Variants in IL23R observed in about 807,000 individuals in gnomAD.
The protein encoded by IL23R is interleukin-23 receptor.
A neutral mutation model predicts 56.9 loss-of-function variants in IL23R; 34 were observed. The observed-to-expected ratio is 0.60, with a 90% CI of 0.45 to 0.80. IL23R has a LOEUF of 0.80. IL23R is among the 30% of genes least tolerant of loss of function. The pLI is 0.00. For synonymous variants in IL23R, 230 were observed against 249.2 expected, an observed-to-expected ratio of 0.92 and a Z score of 0.73; for missense variants, 635 against 730.0, an observed-to-expected ratio of 0.87 and a Z score of 1.50.
intron 3 of IL23R, among the ~76,000 whole-genome samples, chr1:67,172,055 G>A (rs1044520953): frequency 6.6e-6 from 1 of 152,118 alleles, no homozygotes; most frequent in African/African-American, 2.4e-5. Flanking sequence ...CCTTACATAG[G>A]CCTCTGGTTA....
chr1:67,230,266 A>T (rs1447474451), intron 7 of IL23R, among the ~76,000 whole-genome samples: 1 of 152,164 alleles, frequency 6.6e-6, no homozygotes, highest in African/African-American at 2.4e-5. Flanking sequence ...TTGTAGCCCT[A>T]CTGCCTCTCA....
intron 1 of IL23R, among the ~76,000 whole-genome samples, chr1:67,161,075 A>C (rs1646814136): frequency 6.6e-6 from 1 of 152,196 alleles, no homozygotes; most frequent in Non-Finnish European, 1.5e-5. Context: ...TTATCATTGC[A>C]TTTCTGAAAT....
At chr1:67,170,792 T>A (rs2102558248) in intron 3 of IL23R, among the ~76,000 whole-genome samples, 1 of 152,238 alleles carries the variant, frequency 6.6e-6, no homozygotes, top group South Asian at 2.1e-4. Flanking sequence ...GGCAGACCCA[T>A]ATCACCACTA....
At chr1:67,158,901 A>G (rs1463500186) in intron 1 of IL23R, among the ~76,000 whole-genome samples, 1 of 136,502 alleles carries the variant, frequency 7.3e-6, no homozygotes, top group East Asian at 2.3e-4. Context: ...TATCACTATC[A>G]GTGATTGATA....
At chr1:67,232,952 A>G (rs762523011) in intron 7 of IL23R, among the ~76,000 whole-genome samples, 2 of 151,974 alleles carry the variant, frequency 1.3e-5, no homozygotes, top group Non-Finnish European at 2.9e-5. Context: ...GCCTGTTGTC[A>G]TGTAAGACAT....
At chr1:67,221,277 C>T (rs1009229777) in intron 7 of IL23R, among the ~76,000 whole-genome samples, 6 of 151,068 alleles carry the variant, frequency 4.0e-5, no homozygotes, top group South Asian at 2.1e-4. Context: ...GCCGAGATCG[C>T]GCCACTGCAC....
At chr1:67,227,971 TTTCTTTCTTTC>T (rs1210101624) in intron 7 of IL23R, among the ~76,000 whole-genome samples, 1 of 81,126 alleles carries the variant, frequency 1.2e-5, no homozygotes, top group Non-Finnish European at 2.6e-5. Context: ...TCTTTCTTTC[TTTCTTTCTTTC>T]TTTCTTTCTT....
chr1:67,197,297 A>G (rs1169783886), intron 4 of IL23R, among the ~76,000 whole-genome samples: 2 of 152,220 alleles, frequency 1.3e-5, no homozygotes, highest in African/African-American at 2.4e-5. Context: ...TGTAAAGGAC[A>G]CCATTTTAAA....
intron 6 of IL23R, chr1:67,207,703 G>T: frequency 3.2e-6 from 1 of 315,806 alleles, no homozygotes; most frequent in Non-Finnish European, 6.1e-6. Flanking sequence ...GGAACTGTAA[G>T]TCCAATTAAA....
At chr1:67,198,111 CAGAG>C (rs1033811864) in intron 4 of IL23R, among the ~76,000 whole-genome samples, 4 of 152,106 alleles carry the variant, frequency 2.6e-5, no homozygotes, top group Non-Finnish European at 4.4e-5. Flanking sequence ...TGCCTGAACT[CAGAG>C]GGAGAAGTCA....
At chr1:67,215,742 C>A (rs1649790593) in intron 6 of IL23R, among the ~76,000 whole-genome samples, 1 of 152,168 alleles carries the variant, frequency 6.6e-6, no homozygotes, top group African/African-American at 2.4e-5. Flanking sequence ...ACAATAAAGA[C>A]CAAGAACCTT....
At chr1:67,178,009 T>C (rs1304037987) in intron 3 of IL23R, among the ~76,000 whole-genome samples, 2 of 151,696 alleles carry the variant, frequency 1.3e-5, no homozygotes, top group Non-Finnish European at 2.9e-5. Flanking sequence ...CCTGCTGTTT[T>C]TGTTACTGTA....
Position 67,157,277 on chromosome 1 carries a change from A to G in IL23R, c.-633-10815A>G. 1.3e-5 allele frequency among the ~76,000 whole-genome samples: 2 copies of G among 152,216 alleles called. 1 individual carries two copies. On this transcript the variant is annotated intron_variant, in intron 1 of 10. Coordinates refer to the IL23R transcript ENST00000637002. ...CCCCTCCCCGTATTTCAAATTTAAC[A>G]TGTTCCAAAACAAATTATTCATTTC...
At chr1:67,166,054 T>G (rs770303397), upstream of IL23R, among the ~76,000 whole-genome samples, 1 of 152,232 alleles carries the variant, frequency 6.6e-6, no homozygotes, top group Non-Finnish European at 1.5e-5. Context: ...CAAATCATCA[T>G]GTTGTATATC....
chr1:67,143,156 C>A (rs1646653427), intron 1 of IL23R, among the ~76,000 whole-genome samples: 1 of 152,084 alleles, frequency 6.6e-6, no homozygotes, highest in Non-Finnish European at 1.5e-5. Flanking sequence ...GGGTAAATAT[C>A]CTGTCTGTGA....
chr1:67,236,164 G>GA (rs1209614109), intron 7 of IL23R, among the ~76,000 whole-genome samples: 1 of 152,222 alleles, frequency 6.6e-6, no homozygotes. Flanking sequence ...GCCAGGAAAA[G>GA]AAAAGAGCAG....
At chr1:67,231,726 A>C (rs145053957) in intron 7 of IL23R, 38 of 152,338 alleles carry the variant, frequency 2.5e-4, no homozygotes, top group African/African-American at 8.9e-4. Flanking sequence ...TTTATTAAGT[A>C]ATATTGAATA....
chr1:67,162,912 A>G (rs568387863), upstream of IL23R, among the ~76,000 whole-genome samples: 84 of 152,280 alleles, frequency 5.5e-4, no homozygotes, highest in Admixed American at 8.5e-4. Context: ...AGAATCTGAA[A>G]ACTGACCTCC....
chr1:67,216,101 A>G (rs1038990845), intron 6 of IL23R, among the ~76,000 whole-genome samples: 12 of 152,062 alleles, frequency 7.9e-5, no homozygotes, highest in African/African-American at 2.9e-4. Flanking sequence ...AGGCCCCTCA[A>G]ATTCATGTCA....
Sources: gnomAD v4.1 joint callset for allele counts (sites outside exome capture counted in the v4.1 genomes callset) on GRCh38, gnomAD v4.1.1 for gene constraint, MANE v1.5 for transcripts, NCBI Gene and HGNC (gene_info 2026-07-23, HGNC 2026-07-21) for gene names.